HSD17B14: variants seen among roughly 807,000 people sequenced by gnomAD.
HSD17B14 encodes hydroxysteroid 17-beta dehydrogenase 14, also known as L-fucose dehydrogenase.
Under a neutral mutation model 32.2 loss-of-function variants are expected in HSD17B14, and 32 were observed. That is an observed-to-expected ratio of 0.99 (90% confidence interval 0.75 to 1.33). HSD17B14 has a LOEUF of 1.33. Among genes scored for constraint, HSD17B14 ranks in the 40% most tolerant of loss-of-function variants. The probability of loss-of-function intolerance (pLI) is 0.00; values close to 1 mark genes in which losing one functional copy is unlikely to be tolerated. For synonymous variants in HSD17B14, 140 were observed against 155.4 expected (o/e 0.90, Z 0.74); for missense variants, 370 against 366.5 (o/e 1.01, Z -0.08).
intron 5 of HSD17B14, among the ~76,000 whole-genome samples, chr19:48,826,904 A>G (rs1002593686): frequency 6.6e-6 from 1 of 151,930 alleles, no homozygotes; most frequent in Admixed American, 6.6e-5. Context: ...CTCATGCCCA[A>G]TGCCCATTCC....
chr19:48,821,640 TG>T (rs1192795859), intron 5 of HSD17B14, among the ~76,000 whole-genome samples: 1 of 151,284 alleles, frequency 6.6e-6, no homozygotes, highest in Non-Finnish European at 1.5e-5. Context: ...ATTTTGATGG[TG>T]ATGGTGATGA....
Position 48,815,288 on chromosome 19 carries a change from T to A in HSD17B14, c.370-147A>T. ...ATCTCAGTGACTGCTAGAGACGGCA[T>A]CTAACATAACACCCTCTCTGGTTTG... is the stretch of plus-strand genomic sequence containing the variant. On this transcript the variant is annotated intron_variant, in intron 5 of 8. Coordinates refer to ENST00000263278, the MANE Select transcript of HSD17B14 (RefSeq NM_016246.3). 1.5e-6 allele frequency: 1 copy of A among 656,442 alleles called. No individual in the cohort carries two copies. The highest frequency in any genetic ancestry group is 2.8e-6 in the Non-Finnish European group (1 of 360,956). 40.7% of individuals were successfully genotyped at this position (656,442 alleles called of 1,614,324 possible). A position where few individuals can be genotyped will look rare whatever the true frequency, so the allele number is the denominator to read the frequency against.
chr19:48,827,412 T>C (rs140356035), intron 5 of HSD17B14, among the ~76,000 whole-genome samples: 2 of 152,270 alleles, frequency 1.3e-5, no homozygotes, highest in Admixed American at 6.6e-5. Flanking sequence ...GCTGGTGCTA[T>C]ATAACTATTT....
At chr19:48,833,921 C>T (rs1599844991) in intron 3 of HSD17B14, among the ~76,000 whole-genome samples, 2 of 151,428 alleles carry the variant, frequency 1.3e-5, no homozygotes, top group South Asian at 2.1e-4. Flanking sequence ...ACTCGGTAGG[C>T]TGAGGTTGCA....
In HSD17B14 at chr19:48,832,860, T is replaced by C. The variant is rs1194486978; in HGVS notation, c.211-128A>G. ...CTTCAGCCTCCTGCGTTCAAGCAACTCTCCTACCTCAGCCTCCCAAGTAGC... is the reference window on the plus strand; with the variant it reads ...CTTCAGCCTCCTGCGTTCAAGCAACCCTCCTACCTCAGCCTCCCAAGTAGC... On this transcript the variant is annotated intron_variant, in intron 3 of 8. Transcript: ENST00000263278. 4 of 738,936 alleles carry C rather than the reference T, an allele frequency of 5.4e-6. No homozygotes were observed. The East Asian group carries it at 1.1e-4, about 20-fold the overall frequency. The allele number at this position is 738,936 out of a possible 1,614,324, so 45.8% of individuals were successfully genotyped here.
intron 5 of HSD17B14, among the ~76,000 whole-genome samples, chr19:48,818,153 A>G (rs1168660948): frequency 6.6e-6 from 1 of 151,854 alleles, no homozygotes; most frequent in Non-Finnish European, 1.5e-5. Flanking sequence ...TCTACTAAAA[A>G]TACAAAAATT....
intron 2 of HSD17B14, 125 bp downstream of exon 2, chr19:48,835,678 CCT>C: frequency 1.1e-6 from 1 of 891,094 alleles, no homozygotes; most frequent in East Asian, 2.5e-5. Flanking sequence ...GGTCTGGACT[CCT>C]GGGTCTGAGG....
At chr19:48,823,424 A>T (rs2035192023) in intron 5 of HSD17B14, among the ~76,000 whole-genome samples, 2 of 151,928 alleles carry the variant, frequency 1.3e-5, no homozygotes, top group South Asian at 2.1e-4. Context: ...TAATAATAAT[A>T]ATAATGCTTT....
intron 4 of HSD17B14, 46 bp from the exon 5 acceptor site, chr19:48,831,805 C>T (rs1398833831): frequency 9.2e-7 from 1 of 1,090,536 alleles, no homozygotes; most frequent in East Asian, 2.4e-5. Flanking sequence ...GGGGGCTGGA[C>T]ACAGTTGCCC....
At chr19:48,835,947 AC>A in intron 1 of HSD17B14, 104 bp from the exon 2 acceptor site, 2 of 1,004,612 alleles carry the variant, frequency 2.0e-6, no homozygotes. Context: ...TCCCCTCGTG[AC>A]CCCAGTCTCA....
chr19:48,821,992 GTGA>G (rs529237204), intron 5 of HSD17B14, among the ~76,000 whole-genome samples: 219 of 151,622 alleles, frequency 1.4e-3, no homozygotes, highest in Middle Eastern at 3.5e-3. Context: ...TGTGGTAATG[GTGA>G]TGATGATGGT....
intron 5 of HSD17B14, among the ~76,000 whole-genome samples, chr19:48,828,433 C>T (rs2035286464): frequency 6.6e-6 from 1 of 151,782 alleles, no homozygotes; most frequent in African/African-American, 2.4e-5. Context: ...GCCTGAGCAG[C>T]ATAGAAAGAC....
At chr19:48,834,967 TG>T (rs1290276669) in intron 2 of HSD17B14, among the ~76,000 whole-genome samples, 10 of 23,640 alleles carry the variant, frequency 4.2e-4, no homozygotes, top group South Asian at 7.5e-3. Context: ...GAGGAGGGGC[TG>T]GGGGCCTGGA....
chr19:48,813,768 G>A (rs762743428), intron 6 of HSD17B14, 38 bp from the exon 7 acceptor site: 12 of 1,608,540 alleles, frequency 7.5e-6, no homozygotes, highest in East Asian at 2.2e-5. Flanking sequence ...TTCAGTCCCC[G>A]GGACATGGGG....
chr19:48,817,179 T>TTTTTG (rs112661507), intron 5 of HSD17B14, among the ~76,000 whole-genome samples: 114,569 of 148,398 alleles, frequency 0.77, 44,802 homozygotes, highest in African/African-American at 0.9. Flanking sequence ...AAAAAAATAT[T>TTTTTG]TTTTGTTTTA....
chr19:48,814,051 C>T (rs184750118), intron 6 of HSD17B14, among the ~76,000 whole-genome samples: 306 of 151,536 alleles, frequency 2.0e-3, no homozygotes, highest in Non-Finnish European at 3.5e-3. Flanking sequence ...AAAAATTAAC[C>T]GGACATGGTG....
intron 6 of HSD17B14, 63 bp from the exon 7 acceptor site, chr19:48,813,793 T>A: frequency 1.3e-6 from 2 of 1,579,174 alleles, no homozygotes; most frequent in Non-Finnish European, 1.7e-6. Flanking sequence ...TGCCATCCAT[T>A]GTCTCCTGCC....
intron 5 of HSD17B14, among the ~76,000 whole-genome samples, chr19:48,826,701 G>C (rs967136961): frequency 6.6e-6 from 1 of 151,194 alleles, no homozygotes; most frequent in Non-Finnish European, 1.5e-5. Flanking sequence ...GGTTAAGCAG[G>C]GGATTGCCCA....
At chr19:48,813,838 C>T in intron 6 of HSD17B14, 108 bp from the exon 7 acceptor site, 1 of 1,236,870 alleles carries the variant, frequency 8.1e-7, no homozygotes, top group Non-Finnish European at 1.2e-6. Context: ...AAGTCATGCC[C>T]TCCTTGAAGG....
Sources: gnomAD v4.1 joint callset for allele counts (sites outside exome capture counted in the v4.1 genomes callset) on GRCh38, gnomAD v4.1.1 for gene constraint, MANE v1.5 for transcripts, NCBI Gene and HGNC (gene_info 2026-07-23, HGNC 2026-07-21) for gene names.